The following PDK1 variants were observed in gnomAD, a reference collection of about 807,000 sequenced individuals.
PDK1 encodes [Pyruvate dehydrogenase (acetyl-transferring)] kinase isozyme 1, mitochondrial.
Under a neutral mutation model 54.2 loss-of-function variants are expected in PDK1, and 39 were observed. The ratio of observed to expected loss-of-function variants is 0.72; its 90% confidence interval spans 0.56 to 0.94. The LOEUF (loss-of-function observed/expected upper bound fraction) is 0.94, where lower values mean the gene tolerates loss of function less well. Among genes scored for constraint, PDK1 ranks in the 40% least tolerant of loss-of-function variants. The probability of loss-of-function intolerance (pLI) is 0.00; values close to 1 mark genes in which losing one functional copy is unlikely to be tolerated. For missense variants in PDK1, 552 were observed against 566.0 expected (o/e 0.98, Z 0.25); for synonymous variants, 221 against 207.1 (o/e 1.07, Z -0.58).
the PDK1 span, among the ~76,000 whole-genome samples, chr2:172,696,672 C>T: frequency 6.6e-6 from 1 of 152,152 alleles, no homozygotes; most frequent in South Asian, 2.1e-4. Context: ...TACACTCTGA[C>T]TCTGTCACAT....
At chr2:172,629,736 C>CT in the PDK1 span, among the ~76,000 whole-genome samples, 1 of 152,190 alleles carries the variant, frequency 6.6e-6, no homozygotes, top group African/African-American at 2.4e-5. Flanking sequence ...GTAACACTCC[C>CT]TCTGGGGCAT....
At chr2:172,622,125 ATC>A in the PDK1 span, among the ~76,000 whole-genome samples, 19 of 116,996 alleles carry the variant, frequency 1.6e-4, no homozygotes, top group South Asian at 2.9e-4. Context: ...ATATGTTTAT[ATC>A]TCATATTATG....
At chr2:172,572,248 A>C (rs1331166705) in intron 8 of PDK1, among the ~76,000 whole-genome samples, 2 of 152,154 alleles carry the variant, frequency 1.3e-5, no homozygotes, top group Non-Finnish European at 1.5e-5. Flanking sequence ...CAGTTTCCCT[A>C]TACTATTATC....
At chr2:172,703,991 C>T in the PDK1 span, among the ~76,000 whole-genome samples, 1 of 151,876 alleles carries the variant, frequency 6.6e-6, no homozygotes, top group African/African-American at 2.4e-5. Context: ...CTAGGCTGGT[C>T]TCGAACTCCT....
the PDK1 span, among the ~76,000 whole-genome samples, chr2:172,662,302 G>T: frequency 7.9e-5 from 12 of 152,252 alleles, no homozygotes; most frequent in African/African-American, 2.6e-4. Flanking sequence ...GTTCTGATTA[G>T]CCAGCACTGC....
chr2:172,671,485 T>G, the PDK1 span, among the ~76,000 whole-genome samples: 35 of 151,538 alleles, frequency 2.3e-4, no homozygotes, highest in Non-Finnish European at 4.0e-4. Context: ...GCTCTTAATA[T>G]ATTTAGGCCT....
At chr2:172,676,493 T>A in the PDK1 span, among the ~76,000 whole-genome samples, 4 of 152,124 alleles carry the variant, frequency 2.6e-5, no homozygotes, top group Non-Finnish European at 4.4e-5. Flanking sequence ...AGGAGATAAC[T>A]ATAGATGTGA....
chr2:172,660,138 C>T, the PDK1 span, among the ~76,000 whole-genome samples: 255 of 149,484 alleles, frequency 1.7e-3, 1 homozygote, highest in Admixed American at 3.3e-3. Context: ...TTCCATGGAT[C>T]AGAGATTCCA....
the PDK1 span, among the ~76,000 whole-genome samples, chr2:172,673,748 C>T: frequency 1.3e-5 from 2 of 152,164 alleles, no homozygotes. Context: ...ATTAAGTTTC[C>T]ATAAAGATAG....
At chr2:172,558,932 T>C (rs1000828521) in intron 2 of PDK1, 83 bp downstream of exon 2, 40 of 1,320,918 alleles carry the variant, frequency 3.0e-5, no homozygotes, top group South Asian at 3.9e-5. Flanking sequence ...TTTTACTCTT[T>C]GGTGGAATCT....
At chr2:172,575,440 C>T (rs1197908158) in intron 8 of PDK1, among the ~76,000 whole-genome samples, 1 of 152,092 alleles carries the variant, frequency 6.6e-6, no homozygotes, top group Non-Finnish European at 1.5e-5. Context: ...GACTTCTGGG[C>T]CTGAGCTTGT....
chr2:172,698,019 C>A, the PDK1 span, among the ~76,000 whole-genome samples: 1 of 152,170 alleles, frequency 6.6e-6, no homozygotes, highest in Non-Finnish European at 1.5e-5. Flanking sequence ...TTCTGAAGTA[C>A]AATCCCACAA....
the PDK1 span, among the ~76,000 whole-genome samples, chr2:172,695,022 G>T: frequency 3.3e-5 from 5 of 152,126 alleles, no homozygotes; most frequent in African/African-American, 1.2e-4. Context: ...GGAGGCTGAG[G>T]TGGGAGAATC....
the PDK1 span, among the ~76,000 whole-genome samples, chr2:172,670,889 G>A: frequency 2.5e-4 from 38 of 152,262 alleles, no homozygotes; most frequent in African/African-American, 7.9e-4. Flanking sequence ...CCCAAGGTGA[G>A]TTATTTGAGT....
chr2:172,693,875 A>C, the PDK1 span, among the ~76,000 whole-genome samples: 17 of 152,218 alleles, frequency 1.1e-4, no homozygotes, highest in East Asian at 3.1e-3. Context: ...ACTACAATAA[A>C]GGCCAAGGCT....
intron 8 of PDK1, among the ~76,000 whole-genome samples, chr2:172,581,174 G>C (rs1425444931): frequency 6.6e-6 from 1 of 152,070 alleles, no homozygotes; most frequent in East Asian, 1.9e-4. Flanking sequence ...CTTGCTGCAA[G>C]CTCCGCCTCC....
chr2:172,666,008 G>A, the PDK1 span, among the ~76,000 whole-genome samples: 4 of 152,220 alleles, frequency 2.6e-5, no homozygotes, highest in Non-Finnish European at 5.9e-5. Flanking sequence ...CTGCATATTT[G>A]AGGAGCTGGG....
chr2:172,647,106 C>T, the PDK1 span, among the ~76,000 whole-genome samples: 4 of 152,036 alleles, frequency 2.6e-5, no homozygotes, highest in African/African-American at 4.8e-5. Context: ...AATTTAGAGG[C>T]CAATAAGGAG....
chr2:172,613,684 A>G, the PDK1 span, among the ~76,000 whole-genome samples: 1 of 152,154 alleles, frequency 6.6e-6, no homozygotes, highest in Non-Finnish European at 1.5e-5. Context: ...TGGTTTTAAA[A>G]ACATATTTCT....
Sources: allele counts gnomAD v4.1 joint callset (sites outside exome capture counted in the v4.1 genomes callset), GRCh38; gene constraint gnomAD v4.1.1; transcripts MANE v1.5; gene names NCBI Gene and HGNC (gene_info 2026-07-23, HGNC 2026-07-21).